The following AFG1L variants were observed in gnomAD, a reference collection of about 807,000 sequenced individuals.
AFG1L encodes AFG1-like ATPase.
Under a neutral mutation model 62.2 loss-of-function variants are expected in AFG1L, and 53 were observed. That is an observed-to-expected ratio of 0.85 (90% CI 0.68 to 1.07). The LOEUF (loss-of-function observed/expected upper bound fraction) is 1.07. Ranked by LOEUF, AFG1L falls within the 50% of genes least tolerant of loss-of-function variation. AFG1L has a pLI of 0.00. For missense variants in AFG1L, 555 were observed against 590.5 expected (o/e 0.94, Z 0.62); for synonymous variants, 228 against 210.3 (o/e 1.08, Z -0.73).
At chr6:108,357,368 A>G (rs1779332276) in intron 5 of AFG1L, among the ~76,000 whole-genome samples, 1 of 152,204 alleles carries the variant, frequency 6.6e-6, no homozygotes, top group Non-Finnish European at 1.5e-5. Flanking sequence ...GGCATGAGCC[A>G]TGACACCCAG....
intron 8 of AFG1L, among the ~76,000 whole-genome samples, chr6:108,455,848 A>G (rs560709165): frequency 3.3e-5 from 5 of 152,242 alleles, no homozygotes; most frequent in South Asian, 2.1e-4. Context: ...GGCTTGCTTT[A>G]TGGCCCAGAA....
chr6:108,320,478 TC>T (rs1183259926), intron 1 of AFG1L, among the ~76,000 whole-genome samples: 1 of 152,134 alleles, frequency 6.6e-6, no homozygotes, highest in Non-Finnish European at 1.5e-5. Flanking sequence ...AGTCCTCTGT[TC>T]CCCCTTATCT....
chr6:108,501,017 G>A (rs751568704), intron 10 of AFG1L, among the ~76,000 whole-genome samples: 1 of 150,704 alleles, frequency 6.6e-6, no homozygotes, highest in African/African-American at 2.4e-5. Context: ...TTTTTGAGAC[G>A]GAGTCTTGCT....
chr6:108,306,665 G>A (rs1000888648), intron 1 of AFG1L, among the ~76,000 whole-genome samples: 2 of 152,162 alleles, frequency 1.3e-5, no homozygotes, highest in Non-Finnish European at 2.9e-5. Context: ...GCAGGATGCT[G>A]GGATGTATGC....
intron 7 of AFG1L, among the ~76,000 whole-genome samples, chr6:108,423,233 T>G (rs1470590873): frequency 6.6e-6 from 1 of 152,124 alleles, no homozygotes; most frequent in South Asian, 2.1e-4. Flanking sequence ...GACTGATTCA[T>G]GAAACTGTCT....
intron 8 of AFG1L, among the ~76,000 whole-genome samples, chr6:108,450,952 A>G (rs2114759268): frequency 6.6e-6 from 1 of 152,002 alleles, no homozygotes; most frequent in African/African-American, 2.4e-5. Context: ...AAAAAAAAAA[A>G]AGAAAAACTT....
At chr6:108,358,218 A>G (rs1312432879) in intron 5 of AFG1L, among the ~76,000 whole-genome samples, 1 of 152,190 alleles carries the variant, frequency 6.6e-6, no homozygotes, top group Non-Finnish European at 1.5e-5. Context: ...ATTTCTCTTG[A>G]TTTTCCATTA....
chr6:108,488,980 C>A (rs1311078337), intron 10 of AFG1L, among the ~76,000 whole-genome samples: 1 of 152,176 alleles, frequency 6.6e-6, no homozygotes, highest in Non-Finnish European at 1.5e-5. Flanking sequence ...CTATTGATCA[C>A]CTCTGCAAAC....
intron 8 of AFG1L, among the ~76,000 whole-genome samples, chr6:108,469,994 G>A (rs1172980327): frequency 1.3e-5 from 2 of 152,162 alleles, no homozygotes; most frequent in Admixed American, 1.3e-4. Flanking sequence ...CCCGTTTGCA[G>A]CCTAACTCCT....
At chr6:108,303,124 C>T (rs1777073807) in intron 1 of AFG1L, among the ~76,000 whole-genome samples, 1 of 152,160 alleles carries the variant, frequency 6.6e-6, no homozygotes, top group African/African-American at 2.4e-5. Context: ...GTTGGCCAGG[C>T]TGGTCTTGAA....
rs902278051 is a variant in AFG1L at position 108,525,783 on chromosome 6, C to G, written c.*3358C>G. 1 of 152,190 alleles carries G rather than the reference C, an allele frequency of 6.6e-6. No homozygotes were observed. Among genetic ancestry groups the G allele is most frequent in the East Asian group, 1.9e-4 (1 of 5,190 alleles). The allele number at this position is 152,190 out of a possible 1,614,324, so 9.4% of individuals were successfully genotyped here. On this transcript the variant is annotated 3_prime_UTR_variant, in exon 13 of 13. Coordinates refer to ENST00000368977, the MANE Select transcript of AFG1L (RefSeq NM_145315.5). ...GTCAATAAAATTAGCAAAGTGCTAA[C>G]GTATTAAATTTTCCATTTCATTGCC...
intron 1 of AFG1L, among the ~76,000 whole-genome samples, chr6:108,321,365 G>A (rs1428554493): frequency 2.0e-5 from 3 of 152,184 alleles, no homozygotes; most frequent in Non-Finnish European, 4.4e-5. Context: ...ACCTAGATGT[G>A]TTCACCAACC....
At chr6:108,374,564 C>A (rs1391685925) in intron 6 of AFG1L, among the ~76,000 whole-genome samples, 1 of 152,128 alleles carries the variant, frequency 6.6e-6, no homozygotes, top group African/African-American at 2.4e-5. Context: ...GCCAGCTATC[C>A]CAGCATCATT....
At chr6:108,516,467 ACT>A (rs1774898511) in intron 11 of AFG1L, among the ~76,000 whole-genome samples, 1 of 152,052 alleles carries the variant, frequency 6.6e-6, no homozygotes, top group African/African-American at 2.4e-5. Flanking sequence ...CATGCTAAAA[ACT>A]CTCAATAAAT....
At chr6:108,427,817 G>A (rs777133925) in intron 7 of AFG1L, among the ~76,000 whole-genome samples, 12 of 151,816 alleles carry the variant, frequency 7.9e-5, no homozygotes, top group Non-Finnish European at 1.3e-4. Flanking sequence ...CCACCACCCC[G>A]GCCTCAAAAT....
intron 6 of AFG1L, among the ~76,000 whole-genome samples, chr6:108,378,623 C>T (rs1003965866): frequency 6.6e-6 from 1 of 152,020 alleles, no homozygotes; most frequent in South Asian, 2.1e-4. Context: ...CCGGCCTATG[C>T]TTTGAGTTCC....
At chr6:108,480,810 T>C (rs1562187262) in intron 10 of AFG1L, among the ~76,000 whole-genome samples, 1 of 151,956 alleles carries the variant, frequency 6.6e-6, no homozygotes, top group African/African-American at 2.4e-5. Flanking sequence ...AATAAATAAA[T>C]AACAACAACA....
At chr6:108,460,496 A>C (rs1304290769) in intron 8 of AFG1L, among the ~76,000 whole-genome samples, 1 of 152,200 alleles carries the variant, frequency 6.6e-6, no homozygotes, top group African/African-American at 2.4e-5. Context: ...TATAGATGGA[A>C]TTAAATTTAC....
chr6:108,436,506 CA>C (rs1335758138), intron 7 of AFG1L, among the ~76,000 whole-genome samples: 1 of 152,148 alleles, frequency 6.6e-6, no homozygotes, highest in African/African-American at 2.4e-5. Context: ...CTCAGGAAAG[CA>C]AGCAAGTTTG....
Sources: gnomAD v4.1 joint callset for allele counts (sites outside exome capture counted in the v4.1 genomes callset) on GRCh38, gnomAD v4.1.1 for gene constraint, MANE v1.5 for transcripts, NCBI Gene and HGNC (gene_info 2026-07-23, HGNC 2026-07-21) for gene names.